Variants in CASK observed in about 807,000 individuals in gnomAD.
The protein encoded by CASK is calcium/calmodulin dependent serine protein kinase.
In CASK, 4 loss-of-function variants were observed where a neutral mutation model predicts 82.9. The ratio of observed to expected loss-of-function variants is 0.05; its 90% confidence interval spans 0.02 to 0.11. The LOEUF (loss-of-function observed/expected upper bound fraction) is 0.11, where lower values mean the gene tolerates loss of function less well. Among genes scored for constraint, CASK ranks in the 10% least tolerant of loss-of-function variants. The pLI is 1.00. For missense variants in CASK, 358 were observed against 720.9 expected (o/e 0.50, Z 5.76); for synonymous variants, 259 against 253.5 (o/e 1.02, Z -0.20).
intron 2 of CASK, among the ~76,000 whole-genome samples, chrX:41,816,544 C>T (rs984285382): frequency 9.3e-6 from 1 of 107,520 alleles, no homozygotes; most frequent in African/African-American, 3.4e-5. Context: ...AGTAAATCAA[C>T]AGAAAACATA....
At chrX:41,731,100 C>T (rs1379649613) in intron 5 of CASK, among the ~76,000 whole-genome samples, 2 of 112,401 alleles carry the variant, frequency 1.8e-5, no homozygotes, top group Non-Finnish European at 3.8e-5. Flanking sequence ...ATGTAATAAT[C>T]TCACTGGACT....
intron 3 of CASK, among the ~76,000 whole-genome samples, chrX:41,762,926 A>G (rs752568731): frequency 9.0e-6 from 1 of 110,717 alleles, no homozygotes; most frequent in East Asian, 2.8e-4. Flanking sequence ...AAACTCTCCC[A>G]TCTAAAGCCC....
intron 1 of CASK, among the ~76,000 whole-genome samples, chrX:41,868,321 A>G (rs568867871): frequency 1.8e-5 from 2 of 112,377 alleles, no homozygotes; most frequent in South Asian, 7.4e-4. Context: ...CATGTAAAAG[A>G]ACAAGATGTT....
chrX:41,838,832 G>A (rs11797919), intron 2 of CASK, among the ~76,000 whole-genome samples: 17,922 of 110,804 alleles, frequency 0.16, 1,406 homozygotes, highest in Middle Eastern at 0.3. Flanking sequence ...TTTTTATAGG[G>A]CATGAGGTTT....
intron 5 of CASK, among the ~76,000 whole-genome samples, chrX:41,707,864 T>C (rs751101547): frequency 1.8e-5 from 2 of 111,562 alleles, no homozygotes; most frequent in South Asian, 3.7e-4. Context: ...TATTATAAGC[T>C]ATCTCTTCAC....
intron 11 of CASK, among the ~76,000 whole-genome samples, chrX:41,614,888 G>C (rs957563471): frequency 6.3e-5 from 7 of 110,263 alleles, no homozygotes; most frequent in Admixed American, 9.7e-5. Flanking sequence ...GCACAATCTC[G>C]GCTCACTGCA....
At chrX:41,604,213 C>T (rs776233707) in intron 12 of CASK, among the ~76,000 whole-genome samples, 65 of 107,174 alleles carry the variant, frequency 6.1e-4, no homozygotes, top group African/African-American at 2.1e-3. Flanking sequence ...GTTTTCCATG[C>T]TGTACTGGGG....
intron 19 of CASK, 181 bp from the exon 20 acceptor site, chrX:41,555,816 T>C: frequency 2.4e-6 from 1 of 422,387 alleles, no homozygotes; most frequent in Non-Finnish European, 4.2e-6. Flanking sequence ...ACCCAGGCCA[T>C]TTAGCAGCAA....
chrX:41,793,722 A>G (rs978577788), intron 2 of CASK, among the ~76,000 whole-genome samples: 6 of 112,180 alleles, frequency 5.3e-5, no homozygotes. Context: ...ATAAATATTA[A>G]TAACAAAATA....
chrX:41,522,018 G>A (rs910615142), intron 26 of CASK: 8 of 111,856 alleles, frequency 7.2e-5, no homozygotes, highest in African/African-American at 2.6e-4. Flanking sequence ...GGGGCCCTGG[G>A]TGACAGAGAC....
In CASK at chrX:41,519,496, A is replaced by G. The variant is rs752970545; in HGVS notation, c.*924T>C. On this transcript the variant is annotated 3_prime_UTR_variant, in exon 27 of 27. Coordinates refer to ENST00000378163, the MANE Select transcript of CASK (RefSeq NM_001367721.1). ...TGAAACCAGCAATTCCCCCCACCCCACCTTACAACAAATTAAATTGAGACA... is the reference window on the plus strand; with the variant it reads ...TGAAACCAGCAATTCCCCCCACCCCGCCTTACAACAAATTAAATTGAGACA... The G allele has an allele frequency of 1.8e-5, 2 of 110,863 alleles. No homozygotes were observed. Among genetic ancestry groups the G allele is most frequent in the South Asian group, 7.7e-4 (2 of 2,600 alleles). The allele number at this position is 110,863 out of a possible 1,213,427, so 9.1% of individuals were successfully genotyped here.
rs369530374 is a variant in CASK, at chrX:41,765,160, C to T, written c.279-19559G>A. On this transcript the variant is annotated intron_variant, in intron 3 of 26. Transcript: ENST00000378163. The stretch of plus-strand genomic sequence containing the variant: ...AGTGACCTTACAATGATAAGAAACC[C>T]ACTCTAGTTAAAAGCATTCTGGTCA... 4.5e-5 allele frequency among the ~76,000 whole-genome samples: 5 copies of T among 111,912 alleles called. No individual in the cohort carries two copies. In the East Asian group the frequency reaches 1.1e-3, roughly 25 times the overall value.
At chrX:41,631,760 C>T (rs1162553504) in intron 9 of CASK, among the ~76,000 whole-genome samples, 1 of 110,948 alleles carries the variant, frequency 9.0e-6, no homozygotes, top group East Asian at 2.8e-4. Flanking sequence ...CGTGAGCCAC[C>T]GTGCCTGGCC....
At chrX:41,913,624 A>G (rs1569482171) in intron 1 of CASK, among the ~76,000 whole-genome samples, 1 of 112,374 alleles carries the variant, frequency 8.9e-6, no homozygotes, top group Non-Finnish European at 1.9e-5. Context: ...TCATTTCACC[A>G]TATTATTTAT....
At chrX:41,582,633 AT>A (rs978936987) in intron 14 of CASK, among the ~76,000 whole-genome samples, 2 of 111,990 alleles carry the variant, frequency 1.8e-5, no homozygotes, top group Admixed American at 9.5e-5. Context: ...TATTAAAAAA[AT>A]AAATAAATTG....
chrX:41,597,332 A>C (rs773753071), intron 12 of CASK, among the ~76,000 whole-genome samples: 1 of 112,692 alleles, frequency 8.9e-6, no homozygotes, highest in African/African-American at 3.2e-5. Context: ...GTTGCAAAGA[A>C]CATTGATGTT....
At chrX:41,865,975 C>T (rs1473299863) in intron 1 of CASK, among the ~76,000 whole-genome samples, 2 of 112,306 alleles carry the variant, frequency 1.8e-5, no homozygotes, top group African/African-American at 6.5e-5. Flanking sequence ...CACATGGCTT[C>T]GCTGCGGCTG....
chrX:41,647,812 C>T (rs1218687440), intron 8 of CASK, among the ~76,000 whole-genome samples: 1 of 112,021 alleles, frequency 8.9e-6, no homozygotes, highest in Non-Finnish European at 1.9e-5. Flanking sequence ...TTATCACTTC[C>T]CCAATCAATA....
rs1569280351 is a variant in CASK at position 41,519,963 on chromosome X, G to A, written c.*457C>T. The A allele has an allele frequency of 9.1e-6, 1 of 110,310 alleles. No individual in the cohort carries two copies. The highest frequency in any genetic ancestry group is 3.3e-5 in the African/African-American group (1 of 30,102). 9.1% of individuals were successfully genotyped at this position (110,310 alleles called of 1,213,427 possible). ...ACACTAATTATTTCAAATAAATAAAGGAAAGAAAGATATCCCAATATTCCA... is the reference window on the plus strand; with the variant it reads ...ACACTAATTATTTCAAATAAATAAAAGAAAGAAAGATATCCCAATATTCCA... On this transcript the variant is annotated 3_prime_UTR_variant, in exon 27 of 27. Coordinates refer to ENST00000378163, the MANE Select transcript of CASK (RefSeq NM_001367721.1).
Sources: gnomAD v4.1 joint callset for allele counts (sites outside exome capture counted in the v4.1 genomes callset) on GRCh38, gnomAD v4.1.1 for gene constraint, MANE v1.5 for transcripts, NCBI Gene and HGNC (gene_info 2026-07-23, HGNC 2026-07-21) for gene names.